MECOM: variants seen among roughly 807,000 people sequenced by gnomAD.
MECOM encodes the protein histone-lysine N-methyltransferase MECOM.
A neutral mutation model predicts 116.3 loss-of-function variants in MECOM; 13 were observed. The ratio of observed to expected loss-of-function variants is 0.11; its 90% CI spans 0.07 to 0.18. MECOM has a LOEUF of 0.18. Ranked by LOEUF, MECOM falls within the 10% of genes least tolerant of loss-of-function variation. The pLI, the probability that MECOM is intolerant of heterozygous loss-of-function variation, is 1.00. For missense variants in MECOM, 1,299 were observed against 1,509.0 expected, an observed-to-expected ratio of 0.86 and a Z score of 2.31; for synonymous variants, 528 against 535.2, an observed-to-expected ratio of 0.99 and a Z score of 0.19.
intron 2 of MECOM, among the ~76,000 whole-genome samples, chr3:169,374,020 T>C (rs1730598228): frequency 1.3e-5 from 2 of 151,902 alleles, no homozygotes; most frequent in Non-Finnish European, 2.9e-5. Context: ...TTTTTGGAAA[T>C]AGGGCCATTA....
intron 1 of MECOM, among the ~76,000 whole-genome samples, chr3:169,472,523 A>AAAGGAAAGG (rs1560317894): frequency 4.0e-4 from 26 of 64,560 alleles, no homozygotes; most frequent in East Asian, 1.3e-3. Flanking sequence ...GAAAGGAAAG[A>AAAGGAAAGG]AAAGAAAAGA....
intron 14 of MECOM, among the ~76,000 whole-genome samples, chr3:169,090,947 T>A (rs932390792): frequency 2.0e-5 from 3 of 152,072 alleles, no homozygotes; most frequent in Non-Finnish European, 2.9e-5. Context: ...AAAATGAGTA[T>A]AATTTAATAT....
At chr3:169,270,507 A>G (rs2149651431) in intron 2 of MECOM, among the ~76,000 whole-genome samples, 1 of 152,224 alleles carries the variant, frequency 6.6e-6, no homozygotes, top group South Asian at 2.1e-4. Flanking sequence ...CAGGTAAAAT[A>G]CACTTATATC....
chr3:169,324,752 G>C (rs971087124), intron 2 of MECOM, among the ~76,000 whole-genome samples: 10 of 152,226 alleles, frequency 6.6e-5, no homozygotes, highest in African/African-American at 2.4e-4. Context: ...TGCAGGAAGA[G>C]ACTGAGGACA....
intron 2 of MECOM, among the ~76,000 whole-genome samples, chr3:169,324,164 G>A (rs888028593): frequency 6.6e-6 from 1 of 152,258 alleles, no homozygotes; most frequent in South Asian, 2.1e-4. Context: ...AACATTCAGC[G>A]AACTCCTATA....
At chr3:169,354,394 C>T (rs1343212958) in intron 2 of MECOM, among the ~76,000 whole-genome samples, 1 of 151,804 alleles carries the variant, frequency 6.6e-6, no homozygotes, top group African/African-American at 2.4e-5. Flanking sequence ...TCCAAAGTTG[C>T]CAGAAATTCC....
At chr3:169,300,095 T>A (rs750427118) in intron 2 of MECOM, among the ~76,000 whole-genome samples, 35 of 152,208 alleles carry the variant, frequency 2.3e-4, no homozygotes, top group Non-Finnish European at 4.1e-4. Context: ...TGATAATGTT[T>A]TTCAACAATT....
intron 1 of MECOM, among the ~76,000 whole-genome samples, chr3:169,434,959 G>A (rs1742396132): frequency 6.6e-6 from 1 of 152,016 alleles, no homozygotes; most frequent in Non-Finnish European, 1.5e-5. Context: ...TATGAAAAGA[G>A]GAATGTATTC....
chr3:169,355,724 T>A (rs1361712090), intron 2 of MECOM, among the ~76,000 whole-genome samples: 1 of 151,922 alleles, frequency 6.6e-6, no homozygotes, highest in Non-Finnish European at 1.5e-5. Context: ...TATAAATTCC[T>A]GAGTTAAATT....
chr3:169,377,291 CA>C (rs1560194630), intron 2 of MECOM, among the ~76,000 whole-genome samples: 1 of 152,048 alleles, frequency 6.6e-6, no homozygotes, highest in Admixed American at 6.6e-5. Context: ...ACTAAAGCAC[CA>C]AAAGCAATGG....
At chr3:169,176,220 C>T (rs986883122) in intron 2 of MECOM, among the ~76,000 whole-genome samples, 1 of 151,856 alleles carries the variant, frequency 6.6e-6, no homozygotes, top group Non-Finnish European at 1.5e-5. Flanking sequence ...CATCTTGGGC[C>T]ACAGGTTGGA....
intron 2 of MECOM, among the ~76,000 whole-genome samples, chr3:169,263,434 A>G (rs1365822597): frequency 6.6e-6 from 1 of 151,672 alleles, no homozygotes; most frequent in African/African-American, 2.4e-5. Flanking sequence ...TGCCAAGATG[A>G]AAGATATTTA....
At chr3:169,643,228 A>G (rs534314893) in intron 1 of MECOM, among the ~76,000 whole-genome samples, 45 of 152,346 alleles carry the variant, frequency 3.0e-4, no homozygotes, top group African/African-American at 1.1e-3. Flanking sequence ...CATTCAAATA[A>G]CATTGCATAT....
At chr3:169,588,107 A>T (rs1418121426) in intron 1 of MECOM, among the ~76,000 whole-genome samples, 1 of 152,194 alleles carries the variant, frequency 6.6e-6, no homozygotes, top group African/African-American at 2.4e-5. Context: ...AATTACATAA[A>T]GAGAGACCTG....
intron 1 of MECOM, among the ~76,000 whole-genome samples, chr3:169,412,242 C>T (rs866248152): frequency 1.3e-3 from 191 of 144,084 alleles, no homozygotes; most frequent in African/African-American, 4.7e-3. Context: ...GCCAAGATTG[C>T]GCCACTGCAC....
chr3:169,309,793 A>T (rs1167837842), intron 2 of MECOM, among the ~76,000 whole-genome samples: 1 of 141,508 alleles, frequency 7.1e-6, no homozygotes, highest in Non-Finnish European at 1.5e-5. Context: ...CTACCACATG[A>T]CAGCACTAAG....
intron 2 of MECOM, among the ~76,000 whole-genome samples, chr3:169,294,797 C>T (rs1715284847): frequency 6.6e-6 from 1 of 152,090 alleles, no homozygotes; most frequent in African/African-American, 2.4e-5. Flanking sequence ...CCAAAATCTC[C>T]AGTACGTCCT....
intron 2 of MECOM, among the ~76,000 whole-genome samples, chr3:169,320,530 A>G (rs1049060367): frequency 6.6e-6 from 1 of 152,228 alleles, no homozygotes; most frequent in African/African-American, 2.4e-5. Context: ...TCTAAAGCCA[A>G]TGACCCCCCT....
chr3:169,449,434 T>C (rs927989040), intron 1 of MECOM, among the ~76,000 whole-genome samples: 1 of 152,180 alleles, frequency 6.6e-6, no homozygotes, highest in Non-Finnish European at 1.5e-5. Flanking sequence ...TTTCACCAAA[T>C]ATGAAAATGA....
Sources: gnomAD v4.1 joint callset for allele counts (sites outside exome capture counted in the v4.1 genomes callset) on GRCh38, gnomAD v4.1.1 for gene constraint, MANE v1.5 for transcripts, NCBI Gene and HGNC (gene_info 2026-07-23, HGNC 2026-07-21) for gene names.